Variants in PSPC1 observed in about 807,000 individuals in gnomAD.
The protein encoded by PSPC1 is paraspeckle protein 1.
Under a neutral mutation model 51.6 loss-of-function variants are expected in PSPC1, and 14 were observed. The observed-to-expected ratio is 0.27, with a 90% CI of 0.18 to 0.42. The LOEUF (loss-of-function observed/expected upper bound fraction) is 0.42. PSPC1 is among the 10% of genes least tolerant of loss of function. The pLI is 1.00. For synonymous variants in PSPC1, 193 were observed against 231.9 expected (o/e 0.83, Z 1.53); for missense variants, 406 against 701.1 (o/e 0.58, Z 4.75).
chr13:19,741,256 A>G (rs976938244), intron 5 of PSPC1, among the ~76,000 whole-genome samples: 22 of 152,220 alleles, frequency 1.4e-4, no homozygotes, highest in African/African-American at 4.8e-4. Context: ...AACAAAATAA[A>G]TAAGAGCAAC....
chr13:19,753,685 G>A (rs1261359424), intron 3 of PSPC1, among the ~76,000 whole-genome samples: 1 of 152,098 alleles, frequency 6.6e-6, no homozygotes, highest in Non-Finnish European at 1.5e-5. Flanking sequence ...TTGGGGTAGG[G>A]AGGTGAGGAG....
intron 1 of PSPC1, among the ~76,000 whole-genome samples, chr13:19,775,194 A>C (rs1287992774): frequency 6.6e-6 from 1 of 151,934 alleles, no homozygotes; most frequent in African/African-American, 2.4e-5. Flanking sequence ...AAAAAAAACA[A>C]AAACAAAAAT....
At chr13:19,754,793 C>T (rs1185546484) in intron 3 of PSPC1, among the ~76,000 whole-genome samples, 4 of 152,124 alleles carry the variant, frequency 2.6e-5, no homozygotes, top group Admixed American at 6.6e-5. Flanking sequence ...CAAATATTGC[C>T]TATAAAGTCT....
intron 6 of PSPC1, among the ~76,000 whole-genome samples, chr13:19,688,181 T>A (rs538940529): frequency 6.6e-6 from 1 of 152,246 alleles, no homozygotes; most frequent in East Asian, 1.9e-4. Context: ...CTATTGTATC[T>A]TATATGCATT....
intron 2 of PSPC1, among the ~76,000 whole-genome samples, chr13:19,760,080 A>G (rs1178013504): frequency 6.6e-6 from 1 of 152,108 alleles, no homozygotes; most frequent in Non-Finnish European, 1.5e-5. Flanking sequence ...ATTGATTTTT[A>G]TGAGTACAAA....
chr13:19,725,762 T>C (rs909139453), intron 6 of PSPC1, among the ~76,000 whole-genome samples: 2 of 152,170 alleles, frequency 1.3e-5, no homozygotes, highest in Admixed American at 1.3e-4. Context: ...TTTGAGATAA[T>C]ATGTCCTGCA....
intron 6 of PSPC1, among the ~76,000 whole-genome samples, chr13:19,714,450 A>C (rs1051240243): frequency 6.6e-6 from 1 of 151,374 alleles, no homozygotes; most frequent in Non-Finnish European, 1.5e-5. Context: ...AAAATCATGC[A>C]TGGGTAAAAA....
At chr13:19,736,100 A>G (rs980866459) in intron 5 of PSPC1, among the ~76,000 whole-genome samples, 11 of 151,986 alleles carry the variant, frequency 7.2e-5, no homozygotes, top group African/African-American at 7.2e-5. Context: ...GATTACAGGC[A>G]TGAGCCACCG....
At position 19,685,510 on chromosome 13, in the gene PSPC1, T is replaced by G. The variant is rs1441612955; in HGVS notation, c.1159-7687A>C. 2.0e-5 allele frequency among the ~76,000 whole-genome samples: 3 copies of G among 152,178 alleles called. No homozygotes were observed. In the East Asian group the frequency reaches 5.8e-4, roughly 29 times the overall value. On this transcript the variant is annotated intron_variant and NMD_transcript_variant, in intron 6 of 7. Coordinates refer to the PSPC1 transcript ENST00000471658. ...GCACCTCTATGAGGGTATTCACAAC[T>G]TAAGAAGGTCTCCCTTAACATCTCA...
chr13:19,749,257 A>G (rs140234536), intron 4 of PSPC1, among the ~76,000 whole-genome samples: 13 of 152,246 alleles, frequency 8.5e-5, no homozygotes, highest in African/African-American at 2.9e-4. Flanking sequence ...CGGAGGCAGG[A>G]GGATTACTTG....
chr13:19,729,714 T>C (rs1883813072), intron 6 of PSPC1, among the ~76,000 whole-genome samples: 1 of 152,006 alleles, frequency 6.6e-6, no homozygotes, highest in African/African-American at 2.4e-5. Context: ...ATTTTTAAAA[T>C]ATGATAAAGA....
downstream of PSPC1, among the ~76,000 whole-genome samples, chr13:19,671,524 G>A (rs1876124523): frequency 6.6e-6 from 1 of 152,182 alleles, no homozygotes; most frequent in South Asian, 2.1e-4. Context: ...AGAGGATGGA[G>A]CCATCTGAAT....
At chr13:19,740,727 A>G (rs1885352594) in intron 5 of PSPC1, among the ~76,000 whole-genome samples, 1 of 152,182 alleles carries the variant, frequency 6.6e-6, no homozygotes, top group Non-Finnish European at 1.5e-5. Context: ...GTGAGCTATC[A>G]ATGTGGGTTT....
At chr13:19,779,874 C>T (rs1889712173) in intron 1 of PSPC1, among the ~76,000 whole-genome samples, 4 of 120,242 alleles carry the variant, frequency 3.3e-5, no homozygotes, top group Admixed American at 3.0e-4. Context: ...GGGGTCGGCC[C>T]CCCGCCCGGC....
chr13:19,732,049 C>T (rs772729036), intron 5 of PSPC1, among the ~76,000 whole-genome samples: 4 of 152,146 alleles, frequency 2.6e-5, no homozygotes, highest in Non-Finnish European at 5.9e-5. Context: ...TGTTGCACAA[C>T]ACTCCCGCTA....
intron 2 of PSPC1, among the ~76,000 whole-genome samples, chr13:19,767,055 T>C: frequency 6.6e-6 from 1 of 151,468 alleles, no homozygotes. Flanking sequence ...ATGTCTGTAA[T>C]CCCAGCACTC....
intron 1 of PSPC1, among the ~76,000 whole-genome samples, chr13:19,774,812 A>AT (rs1350520732): frequency 4.0e-5 from 6 of 149,380 alleles, no homozygotes; most frequent in South Asian, 2.1e-4. Context: ...GTCCAAAAAA[A>AT]AAAAAACAAA....
chr13:19,709,608 A>G lies in PSPC1; in HGVS notation c.1159-9T>C. ...CTCATTTCCTGTTCTCTCTGTAAGT[A>G]AACATAGTTGTCACAGTCAACCTAT... is the stretch of plus-strand genomic sequence containing the variant. On this transcript the variant is annotated splice_polypyrimidine_tract_variant and intron_variant, in intron 6 of 8. Coordinates refer to ENST00000338910, the MANE Select transcript of PSPC1 (RefSeq NM_001354909.2). 2 of 1,602,882 alleles carry G rather than the reference A, an allele frequency of 1.2e-6. No individual in the cohort carries two copies. The highest frequency in any genetic ancestry group is 1.7e-6 in the Non-Finnish European group (2 of 1,174,438).
At chr13:19,755,949 C>T (rs1306501349) in intron 3 of PSPC1, among the ~76,000 whole-genome samples, 3 of 152,000 alleles carry the variant, frequency 2.0e-5, no homozygotes, top group Non-Finnish European at 4.4e-5. Context: ...ATCTAATAAA[C>T]AAGTGGGCCG....
Sources: gnomAD v4.1 joint callset for allele counts (sites outside exome capture counted in the v4.1 genomes callset) on GRCh38, gnomAD v4.1.1 for gene constraint, MANE v1.5 for transcripts, NCBI Gene and HGNC (gene_info 2026-07-23, HGNC 2026-07-21) for gene names.